The following PLXDC2 variants were observed in gnomAD, a reference collection of about 807,000 sequenced individuals.
PLXDC2 encodes the protein plexin domain containing 2, also known as plexin domain-containing protein 2.
PLXDC2 carries 40 observed loss-of-function variants against 68.9 expected under a neutral mutation model. That is an observed-to-expected ratio of 0.58 (90% CI 0.45 to 0.76). PLXDC2 has a LOEUF of 0.76. Among genes scored for constraint, PLXDC2 ranks in the 30% least tolerant of loss-of-function variants. The probability of loss-of-function intolerance (pLI) is 0.00; values close to 1 mark genes in which losing one functional copy is unlikely to be tolerated. For missense variants in PLXDC2, 644 were observed against 661.9 expected (o/e 0.97, Z 0.30); for synonymous variants, 243 against 234.2 (o/e 1.04, Z -0.34).
At chr10:19,856,087 T>C (rs1365651256) in intron 1 of PLXDC2, among the ~76,000 whole-genome samples, 2 of 152,130 alleles carry the variant, frequency 1.3e-5, no homozygotes, top group Middle Eastern at 3.2e-3. Flanking sequence ...AGAGTAAGAC[T>C]CTGTCTCCAA....
intron 9 of PLXDC2, among the ~76,000 whole-genome samples, chr10:20,178,562 T>G (rs1834559870): frequency 6.6e-6 from 1 of 152,148 alleles, no homozygotes; most frequent in African/African-American, 2.4e-5. Flanking sequence ...TGTTAATCCG[T>G]GTATGTTACA....
chr10:19,855,737 A>G (rs1319941895), intron 1 of PLXDC2, among the ~76,000 whole-genome samples: 1 of 152,190 alleles, frequency 6.6e-6, no homozygotes, highest in Non-Finnish European at 1.5e-5. Flanking sequence ...TATATTAAAT[A>G]AACTAATATA....
rs11011805 is a variant in PLXDC2 at position 20,110,940 on chromosome 10, C to T, written c.542-32355C>T. Among the ~76,000 whole-genome samples the T allele has an allele frequency of 5.3e-4, 81 of 152,330 alleles. No homozygotes were observed. In the East Asian group the frequency reaches 0.014, roughly 26 times the overall value. ...TCCATGTCACCTCACACTTGTACTA[C>T]TCCAGTCACCTCTGACACCTATTGG... On this transcript the variant is annotated intron_variant, in intron 4 of 13. Coordinates refer to ENST00000377252, the MANE Select transcript of PLXDC2 (RefSeq NM_032812.9).
intron 1 of PLXDC2, among the ~76,000 whole-genome samples, chr10:19,894,133 A>G (rs1054287697): frequency 2.0e-5 from 3 of 152,228 alleles, no homozygotes; most frequent in African/African-American, 7.2e-5. Context: ...AACCTTCTGA[A>G]TCATCCAAGG....
intron 1 of PLXDC2, among the ~76,000 whole-genome samples, chr10:19,942,581 G>A (rs1020237188): frequency 1.3e-5 from 2 of 152,116 alleles, no homozygotes; most frequent in East Asian, 1.9e-4. Flanking sequence ...TGGCCAACAC[G>A]GTGAAACCCG....
intron 4 of PLXDC2, among the ~76,000 whole-genome samples, chr10:20,085,209 T>TTA (rs1564309933): frequency 6.7e-6 from 1 of 148,676 alleles, no homozygotes; most frequent in African/African-American, 2.5e-5. Flanking sequence ...GGTTTTTTGT[T>TTA]AAAAAAAAAA....
chr10:20,105,368 C>T (rs1276987070), intron 4 of PLXDC2, among the ~76,000 whole-genome samples: 4 of 152,218 alleles, frequency 2.6e-5, no homozygotes, highest in African/African-American at 9.7e-5. Context: ...TTCTGACTCT[C>T]AGGTAAAATG....
At chr10:20,124,307 G>A (rs565587329) in intron 4 of PLXDC2, among the ~76,000 whole-genome samples, 2 of 152,282 alleles carry the variant, frequency 1.3e-5, no homozygotes, top group Admixed American at 1.3e-4. Flanking sequence ...AGAGAAGGGA[G>A]AGATTGAAGA....
chr10:20,236,158 C>T (rs2681937), intron 12 of PLXDC2, among the ~76,000 whole-genome samples: 131,931 of 152,108 alleles, frequency 0.87, 57,635 homozygotes, highest in Middle Eastern at 0.94. Flanking sequence ...AAAATAATTT[C>T]TGGCTGAGCT....
intron 13 of PLXDC2, among the ~76,000 whole-genome samples, chr10:20,261,975 T>C (rs1298076261): frequency 1.3e-5 from 2 of 152,172 alleles, no homozygotes. Flanking sequence ...AAGCAGCCAG[T>C]GTGCATGGCT....
chr10:19,943,562 C>A (rs1234111616), intron 1 of PLXDC2, among the ~76,000 whole-genome samples: 1 of 152,174 alleles, frequency 6.6e-6, no homozygotes, highest in African/African-American at 2.4e-5. Flanking sequence ...TTGGTCAAGA[C>A]CTGTTGAAGC....
intron 1 of PLXDC2, among the ~76,000 whole-genome samples, chr10:19,928,181 G>T (rs1351922001): frequency 6.6e-6 from 1 of 151,980 alleles, no homozygotes; most frequent in African/African-American, 2.4e-5. Context: ...CATATTCTTT[G>T]TCCACTCATT....
chr10:20,059,599 C>T (rs1360242690), intron 3 of PLXDC2, among the ~76,000 whole-genome samples: 1 of 152,144 alleles, frequency 6.6e-6, no homozygotes, highest in Non-Finnish European at 1.5e-5. Flanking sequence ...AAAATCAATT[C>T]AGTTGATGGA....
At chr10:20,059,242 C>G (rs575402685) in intron 3 of PLXDC2, among the ~76,000 whole-genome samples, 4 of 152,294 alleles carry the variant, frequency 2.6e-5, no homozygotes, top group African/African-American at 9.6e-5. Context: ...TTATAAAATC[C>G]TGTCACACTC....
intron 1 of PLXDC2, among the ~76,000 whole-genome samples, chr10:19,897,979 C>A (rs956304529): frequency 1.3e-5 from 2 of 152,026 alleles, no homozygotes; most frequent in Non-Finnish European, 2.9e-5. Context: ...GAAAAAAATA[C>A]CTGTTTCCCC....
intron 4 of PLXDC2, among the ~76,000 whole-genome samples, chr10:20,118,576 A>T (rs962081597): frequency 6.6e-6 from 1 of 152,196 alleles, no homozygotes; most frequent in East Asian, 1.9e-4. Context: ...TTCTAAATCC[A>T]TAGTGTAGCT....
At chr10:19,995,457 T>C (rs1834828461) in intron 1 of PLXDC2, among the ~76,000 whole-genome samples, 1 of 152,206 alleles carries the variant, frequency 6.6e-6, no homozygotes, top group African/African-American at 2.4e-5. Flanking sequence ...AAGGTCCTAC[T>C]GTGGGCTAGT....
intron 1 of PLXDC2, among the ~76,000 whole-genome samples, chr10:19,862,498 A>G (rs752368493): frequency 6.6e-6 from 1 of 152,230 alleles, no homozygotes; most frequent in African/African-American, 2.4e-5. Flanking sequence ...TTACAATAAG[A>G]TAACAGAATT....
chr10:19,823,257 T>C (rs1019877596), intron 1 of PLXDC2, among the ~76,000 whole-genome samples: 1 of 152,146 alleles, frequency 6.6e-6, no homozygotes, highest in Non-Finnish European at 1.5e-5. Flanking sequence ...TGCATACATA[T>C]ATGGTGGTGG....
Sources: gnomAD v4.1 joint callset for allele counts (sites outside exome capture counted in the v4.1 genomes callset) on GRCh38, gnomAD v4.1.1 for gene constraint, MANE v1.5 for transcripts, NCBI Gene and HGNC (gene_info 2026-07-23, HGNC 2026-07-21) for gene names.